The following BCAS1 variants were observed in gnomAD, a reference collection of about 807,000 sequenced individuals.
BCAS1 encodes the protein brain enriched myelin associated protein 1, also known as breast carcinoma-amplified sequence 1.
A neutral mutation model predicts 65.4 loss-of-function variants in BCAS1; 46 were observed. The observed-to-expected ratio is 0.70, with a 90% CI of 0.55 to 0.90. BCAS1 has a LOEUF of 0.90. Among genes scored for constraint, BCAS1 ranks in the 40% least tolerant of loss-of-function variants. BCAS1 has a pLI of 0.00. For synonymous variants in BCAS1, 298 were observed against 293.5 expected (o/e 1.02, Z -0.16); for missense variants, 793 against 771.2 (o/e 1.03, Z -0.33).
chr20:53,994,914 C>CAT, intron 6 of BCAS1, 98 bp downstream of exon 6: 1 of 920,942 alleles, frequency 1.1e-6, no homozygotes, highest in Non-Finnish European at 1.7e-6. Flanking sequence ...CACACACACA[C>CAT]ACATATATGT....
At chr20:53,968,263 C>T (rs2090090140) in intron 9 of BCAS1, among the ~76,000 whole-genome samples, 1 of 152,182 alleles carries the variant, frequency 6.6e-6, no homozygotes, top group South Asian at 2.1e-4. Context: ...CTATCTGGCC[C>T]TTTAAACCAC....
At position 54,016,127 on chromosome 20, in the gene BCAS1, T is replaced by C. The variant is rs143449426; in HGVS notation, c.723+12265A>G. On this transcript the variant is annotated intron_variant, in intron 4 of 12. Coordinates refer to ENST00000688948, the MANE Select transcript of BCAS1 (RefSeq NM_001366298.2). Reference sequence around the variant, plus strand: ...AATCTGCTTTTCTCATTTAACATTATACTATCACTTTCTTCACCTGACCAA... The same window carrying C: ...AATCTGCTTTTCTCATTTAACATTACACTATCACTTTCTTCACCTGACCAA... Among the ~76,000 whole-genome samples, 389 of 152,320 alleles carry C rather than the reference T, an allele frequency of 2.6e-3. 2 individuals are homozygous for C. Among genetic ancestry groups the C allele is most frequent in the African/African-American group, 9.2e-3 (382 of 41,580 alleles).
intron 3 of BCAS1, among the ~76,000 whole-genome samples, chr20:54,045,217 A>G (rs111561645): frequency 1.3e-5 from 2 of 150,008 alleles, no homozygotes; most frequent in Non-Finnish European, 3.0e-5. Context: ...TCTCAAAAAA[A>G]AAAAAAAAAC....
chr20:54,046,600 T>C (rs2092112411), intron 3 of BCAS1, among the ~76,000 whole-genome samples: 1 of 150,364 alleles, frequency 6.7e-6, no homozygotes, highest in Admixed American at 6.6e-5. Flanking sequence ...TTCTAGCACT[T>C]TGGGAGGCTG....
chr20:53,962,882 G>A (rs1465360224), intron 10 of BCAS1, among the ~76,000 whole-genome samples: 1 of 151,890 alleles, frequency 6.6e-6, no homozygotes, highest in Non-Finnish European at 1.5e-5. Context: ...ACGGAGTCTC[G>A]CTCTGTCGCC....
At chr20:54,063,354 C>G (rs1330617010) in intron 1 of BCAS1, among the ~76,000 whole-genome samples, 1 of 152,204 alleles carries the variant, frequency 6.6e-6, no homozygotes, top group Non-Finnish European at 1.5e-5. Flanking sequence ...GTGCCCTGAA[C>G]AGGGCCTGGC....
chr20:54,003,126 C>G (rs1369583922), intron 4 of BCAS1, among the ~76,000 whole-genome samples: 1 of 150,362 alleles, frequency 6.7e-6, no homozygotes, highest in South Asian at 2.1e-4. Context: ...TAAACCTTGC[C>G]TGGTATAATT....
In BCAS1 at chr20:53,985,415, T is replaced by A; in HGVS notation, c.1147A>T (p.Lys383Ter). ...FTSQETQGAG[K>*]NSKGCNPSGH... ...GATGGGTTGCATCCTTTGGAATTCT[T>A]GCCAGCCCCTTGGGTCTCCTGGGAT... Residue 383 changes from lysine to a stop codon, truncating the protein, a stop_gained, in exon 8 of 13, where the codon AAG becomes TAG. Transcript: ENST00000688948. LOFTEE classifies it high-confidence loss of function. The A allele has an allele frequency of 1.2e-6, 2 of 1,614,044 alleles. No homozygotes were observed. The highest frequency in any genetic ancestry group is 1.7e-6 in the Non-Finnish European group (2 of 1,179,972).
At chr20:54,013,936 G>A (rs73133431) in intron 4 of BCAS1, among the ~76,000 whole-genome samples, 5,514 of 152,290 alleles carry the variant, frequency 0.036, 133 homozygotes, top group Middle Eastern at 0.095. Flanking sequence ...AATACAAACA[G>A]CAATTATCTA....
rs2089594369 is a variant in BCAS1, at chr20:53,953,471, C to T, written c.1776G>A (p.Glu592=). 2 of 1,614,014 alleles carry T rather than the reference C, an allele frequency of 1.2e-6. No homozygotes were observed. The highest frequency in any genetic ancestry group is 1.7e-6 in the Non-Finnish European group (2 of 1,180,032). ...QNGDKLQKRP[E]KRQQSLGGFF... is the part of the protein sequence containing the mutation. The stretch of plus-strand genomic sequence containing the variant: ...AGCCCCCAAGGGACTGCTGCCGCTT[C>T]TCAGGTCTCTTTTGGAGCTTGTCCC... The change falls in exon 12 of 13, where the codon GAG becomes GAA. Residue 592 remains glutamate (E), a synonymous_variant. Transcript: ENST00000688948.
intron 10 of BCAS1, among the ~76,000 whole-genome samples, chr20:53,960,970 ACTTT>A (rs2089861790): frequency 6.6e-6 from 1 of 152,218 alleles, no homozygotes; most frequent in Non-Finnish European, 1.5e-5. Flanking sequence ...ATATTGAGCA[ACTTT>A]CTTCATGGAG....
intron 9 of BCAS1, among the ~76,000 whole-genome samples, chr20:53,973,318 T>G (rs2090232854): frequency 6.6e-6 from 1 of 152,206 alleles, no homozygotes; most frequent in Admixed American, 6.5e-5. Context: ...GTTAAGTCAT[T>G]TAAGGCAATT....
At chr20:54,051,964 C>G (rs1396523695) in intron 3 of BCAS1, among the ~76,000 whole-genome samples, 1 of 152,118 alleles carries the variant, frequency 6.6e-6, no homozygotes, top group African/African-American at 2.4e-5. Context: ...GTCTCAAACT[C>G]CCAACCTCAG....
chr20:53,961,030 T>A (rs2089863956), intron 10 of BCAS1, among the ~76,000 whole-genome samples: 1 of 152,254 alleles, frequency 6.6e-6, no homozygotes, highest in South Asian at 2.1e-4. Flanking sequence ...CTCAGGGCAT[T>A]CAGCCTGCAG....
intron 12 of BCAS1, 129 bp downstream of exon 12, chr20:53,953,303 A>G: frequency 1.6e-6 from 2 of 1,230,316 alleles, no homozygotes; most frequent in Admixed American, 2.6e-5. Context: ...TAGCAGTTCA[A>G]AAACCCTGAG....
intron 2 of BCAS1, 54 bp downstream of exon 2, chr20:54,058,590 GTTC>G: frequency 7.9e-7 from 1 of 1,259,250 alleles, no homozygotes; most frequent in Non-Finnish European, 1.1e-6. Context: ...AATACAGGAA[GTTC>G]TTTTTTTTTT....
intron 5 of BCAS1, among the ~76,000 whole-genome samples, 157 bp from the exon 6 acceptor site, chr20:53,995,213 G>A (rs572142876): frequency 2.6e-5 from 4 of 152,212 alleles, no homozygotes; most frequent in African/African-American, 4.8e-5. Context: ...CAGGACCGCC[G>A]GGTAATACAA....
At chr20:54,011,434 G>A (rs1051638125) in intron 4 of BCAS1, among the ~76,000 whole-genome samples, 5 of 152,064 alleles carry the variant, frequency 3.3e-5, no homozygotes, top group African/African-American at 9.7e-5. Flanking sequence ...GGCAAAAGAC[G>A]TGAGGGGGCA....
intron 10 of BCAS1, among the ~76,000 whole-genome samples, chr20:53,965,447 T>C (rs2090001268): frequency 6.6e-6 from 1 of 152,244 alleles, no homozygotes; most frequent in South Asian, 2.1e-4. Flanking sequence ...AATGACCTTT[T>C]ACATGCATTT....
Sources: allele counts gnomAD v4.1 joint callset (sites outside exome capture counted in the v4.1 genomes callset), GRCh38; gene constraint gnomAD v4.1.1; transcripts MANE v1.5; gene names NCBI Gene and HGNC (gene_info 2026-07-23, HGNC 2026-07-21).